The following PDE10A variants were observed in gnomAD, a reference collection of about 807,000 sequenced individuals.
PDE10A encodes the protein phosphodiesterase 10A.
Under a neutral mutation model 97.7 loss-of-function variants are expected in PDE10A, and 39 were observed. The ratio of observed to expected loss-of-function variants is 0.40; its 90% CI spans 0.31 to 0.52. The LOEUF is 0.52. Ranked by LOEUF, PDE10A falls within the 20% of genes least tolerant of loss-of-function variation. The pLI, the probability that PDE10A is intolerant of heterozygous loss-of-function variation, is 0.56. For synonymous variants in PDE10A, 371 were observed against 376.8 expected (o/e 0.98, Z 0.18); for missense variants, 731 against 1,047.8 (o/e 0.70, Z 4.17).
chr6:165,912,202 C>A (rs1782482506), intron 1 of PDE10A, among the ~76,000 whole-genome samples: 1 of 151,592 alleles, frequency 6.6e-6, no homozygotes, highest in South Asian at 2.1e-4. Flanking sequence ...TATCATCTAT[C>A]CATCTATTGA....
intron 1 of PDE10A, among the ~76,000 whole-genome samples, chr6:165,761,678 G>A (rs1039051107): frequency 6.6e-6 from 1 of 151,886 alleles, no homozygotes; most frequent in South Asian, 2.1e-4. Context: ...AAAAAGCTTA[G>A]TGTTTTTATG....
At chr6:165,611,984 C>A (rs1787514164) in intron 1 of PDE10A, among the ~76,000 whole-genome samples, 1 of 152,226 alleles carries the variant, frequency 6.6e-6, no homozygotes, top group Non-Finnish European at 1.5e-5. Context: ...ACATCCTCAT[C>A]TCCCTTGTGC....
intron 1 of PDE10A, among the ~76,000 whole-genome samples, chr6:165,765,030 G>C (rs949572579): frequency 6.6e-6 from 1 of 152,146 alleles, no homozygotes; most frequent in African/African-American, 2.4e-5. Flanking sequence ...GTTCTCCAAG[G>C]CCCCACCAGA....
intron 1 of PDE10A, among the ~76,000 whole-genome samples, chr6:165,611,062 T>A (rs1484145886): frequency 1.3e-5 from 2 of 151,842 alleles, no homozygotes; most frequent in South Asian, 4.1e-4. Flanking sequence ...CTCAAAATAG[T>A]GTTTCTTTCC....
At chr6:165,333,285 C>T (rs1363536608) in intron 21 of PDE10A, among the ~76,000 whole-genome samples, 158 bp from the exon 22 acceptor site, 2 of 152,186 alleles carry the variant, frequency 1.3e-5, no homozygotes, top group African/African-American at 4.8e-5. Context: ...AGGCAGGTTC[C>T]TGTGATGGCT....
chr6:165,418,739 C>T lies in PDE10A; in HGVS notation c.1692G>A (p.Ala564=), dbSNP rs220740. The change falls in exon 11 of 22, where the codon GCG becomes GCA. Residue 564 remains alanine (A), a synonymous_variant. Transcript: ENST00000539869. This position sits in a 1 kb window ranked among gnomAD's most constrained non-coding sequence, Gnocchi z 4.8. ...AKNLVNADRC[A]LFQVDHKNKE... is the part of the protein sequence containing the mutation. Reference sequence around the variant, plus strand: ...TGTTCTTATGGTCCACCTGGAAAAGCGCACAACGATCGGCATTCACCAGGT... The same window carrying T: ...TGTTCTTATGGTCCACCTGGAAAAGTGCACAACGATCGGCATTCACCAGGT... 435,338 of 1,611,826 alleles carry T rather than the reference C, an allele frequency of 0.27. 61,850 individuals are homozygous for T. Among genetic ancestry groups the T allele is most frequent in the African/African-American group, 0.41 (30,571 of 74,838 alleles).
rs189518852 is a variant in PDE10A at position 165,463,683 on chromosome 6, C to A, written c.1024-13321G>T. Among the ~76,000 whole-genome samples the A allele has an allele frequency of 2.9e-3, 444 of 151,870 alleles. 2 individuals are homozygous for A. Among genetic ancestry groups the A allele is most frequent in the African/African-American group, 9.3e-3 (385 of 41,214 alleles). On this transcript the variant is annotated intron_variant, in intron 3 of 21. Coordinates refer to ENST00000539869, the MANE Select transcript of PDE10A (RefSeq NM_001385079.1). ...GGACATGTTGGGAATAAGCCCCCCC[C>A]AAAAATCTGGCCATAAACTGGCCCC...
In PDE10A at chr6:165,597,668, G is replaced by A. The variant is rs192274264; in HGVS notation, c.866-54100C>T. ...AAAAAAACAAACCCACTTTAGAAAC[G>A]GAATGACTACTTTACATGTTCCAGT... On this transcript the variant is annotated intron_variant, in intron 1 of 21. Transcript: ENST00000539869. 1.9e-3 allele frequency among the ~76,000 whole-genome samples: 286 copies of A among 152,246 alleles called. 1 individual carries two copies. The highest frequency in any genetic ancestry group is 2.6e-3 in the Admixed American group (40 of 15,290).
chr6:165,865,825 C>T (rs1781027121), intron 1 of PDE10A, among the ~76,000 whole-genome samples: 1 of 151,766 alleles, frequency 6.6e-6, no homozygotes, highest in Non-Finnish European at 1.5e-5. Flanking sequence ...TTGGGAGTTC[C>T]ACAAGAAGAG....
chr6:165,934,406 A>G lies in PDE10A; in HGVS notation c.-615+53123T>C, dbSNP rs76365353. Among the ~76,000 whole-genome samples, 84 of 151,768 alleles carry G rather than the reference A, an allele frequency of 5.5e-4. 1 individual carries two copies. The East Asian group carries it at 0.011, about 21-fold the overall frequency. ...TCATTGCCTTGAGTTTGAATCTGAT[A>G]TTTTGCCTGAAATTTTGGCTTCATC... On this transcript the variant is annotated intron_variant, in intron 1 of 19. Transcript: ENST00000366882.
At chr6:165,620,929 G>A (rs1788099004) in intron 1 of PDE10A, among the ~76,000 whole-genome samples, 1 of 151,848 alleles carries the variant, frequency 6.6e-6, no homozygotes, top group Non-Finnish European at 1.5e-5. Flanking sequence ...GCTGAGACAG[G>A]GGAATCGATT....
At chr6:165,905,716 T>G (rs935936508) in intron 1 of PDE10A, among the ~76,000 whole-genome samples, 1 of 152,094 alleles carries the variant, frequency 6.6e-6, no homozygotes, top group African/African-American at 2.4e-5. Context: ...GAGTGACTAT[T>G]AAACACTTGC....
chr6:165,937,245 TG>T (rs1347523197), intron 1 of PDE10A, among the ~76,000 whole-genome samples: 1 of 152,228 alleles, frequency 6.6e-6, no homozygotes, highest in East Asian at 1.9e-4. Context: ...GAAGGGTTCA[TG>T]TGGCACCTAC....
chr6:165,606,569 C>T (rs986854600), intron 1 of PDE10A, among the ~76,000 whole-genome samples: 5 of 152,078 alleles, frequency 3.3e-5, no homozygotes, highest in African/African-American at 9.7e-5. Context: ...CAAAGCAACT[C>T]ACATCATAAA....
chr6:165,619,475 T>C (rs1385026841), intron 1 of PDE10A, among the ~76,000 whole-genome samples: 1 of 132,638 alleles, frequency 7.5e-6, no homozygotes. Flanking sequence ...TAGTGTAGTG[T>C]AGTCTAGTGT....
intron 1 of PDE10A, among the ~76,000 whole-genome samples, chr6:165,659,705 C>T (rs1583736788): frequency 6.6e-6 from 1 of 152,122 alleles, no homozygotes; most frequent in East Asian, 1.9e-4. Context: ...CTTGAAAGTT[C>T]CCTGATGAGT....
At chr6:165,792,243 C>G (rs558547640) in intron 1 of PDE10A, among the ~76,000 whole-genome samples, 2 of 152,206 alleles carry the variant, frequency 1.3e-5, no homozygotes, top group African/African-American at 4.8e-5. Context: ...CGGGTTTTCA[C>G]CCCTAAGATG....
At chr6:165,881,499 G>A (rs1441777701) in intron 1 of PDE10A, among the ~76,000 whole-genome samples, 1 of 147,994 alleles carries the variant, frequency 6.8e-6, no homozygotes, top group South Asian at 2.1e-4. Context: ...GGGTTCAGGT[G>A]ATTCTCCTGC....
chr6:165,960,781 C>T (rs1482695310), intron 1 of PDE10A, among the ~76,000 whole-genome samples: 1 of 152,144 alleles, frequency 6.6e-6, no homozygotes, highest in Non-Finnish European at 1.5e-5. Context: ...CAGACAGACC[C>T]GATCCTCAGG....
Sources: gnomAD v4.1 joint callset for allele counts (sites outside exome capture counted in the v4.1 genomes callset) on GRCh38, gnomAD v4.1.1 for gene constraint, Gnocchi (gnomAD v3.1) non-coding constraint, MANE v1.5 for transcripts, NCBI Gene and HGNC (gene_info 2026-07-23, HGNC 2026-07-21) for gene names.